EYS: variants seen among roughly 807,000 people sequenced by gnomAD.
EYS encodes the protein EGF-like photoreceptor maintenance factor, also known as protein eyes shut homolog.
A neutral mutation model predicts 282.1 loss-of-function variants in EYS; 250 were observed. The ratio of observed to expected loss-of-function variants is 0.89; its 90% CI spans 0.80 to 0.98. The LOEUF (loss-of-function observed/expected upper bound fraction) is 0.98, where lower values mean the gene tolerates loss of function less well. Among genes scored for constraint, EYS ranks in the 50% least tolerant of loss-of-function variants. EYS has a pLI of 0.00. For synonymous variants in EYS, 1,355 were observed against 1,282.9 expected (o/e 1.06, Z -1.20); for missense variants, 4,016 against 3,709.0 (o/e 1.08, Z -2.15).
chr6:65,336,420 G>A (rs1769991472), intron 10 of EYS, among the ~76,000 whole-genome samples: 1 of 151,484 alleles, frequency 6.6e-6, no homozygotes, highest in African/African-American at 2.4e-5. Context: ...CTCAAATTGT[G>A]ACAGAAATAT....
chr6:65,462,712 CAT>C (rs1220480041), intron 5 of EYS, among the ~76,000 whole-genome samples: 4 of 151,872 alleles, frequency 2.6e-5, no homozygotes, highest in African/African-American at 4.8e-5. Context: ...TCTATAATTT[CAT>C]AGTCATTAAA....
At chr6:65,027,981 C>A (rs988472714) in intron 13 of EYS, among the ~76,000 whole-genome samples, 1 of 151,908 alleles carries the variant, frequency 6.6e-6, no homozygotes, top group South Asian at 2.1e-4. Context: ...ATTATTATGC[C>A]GGATTTCTTT....
intron 22 of EYS, among the ~76,000 whole-genome samples, chr6:64,801,193 A>G (rs920207407): frequency 6.6e-6 from 1 of 152,154 alleles, no homozygotes; most frequent in African/African-American, 2.4e-5. Context: ...AAGACTGAAA[A>G]GTAGCACATG....
At chr6:65,008,907 G>T (rs1041610759) in intron 13 of EYS, among the ~76,000 whole-genome samples, 1 of 152,092 alleles carries the variant, frequency 6.6e-6, no homozygotes, top group Non-Finnish European at 1.5e-5. Flanking sequence ...ATCCGAGGGG[G>T]TCCTAGGACA....
chr6:64,365,922 G>A (rs1772166532), intron 29 of EYS, among the ~76,000 whole-genome samples: 2 of 152,020 alleles, frequency 1.3e-5, no homozygotes, highest in African/African-American at 4.8e-5. Context: ...ATCTGCAGAA[G>A]CACTAACTAG....
intron 12 of EYS, among the ~76,000 whole-genome samples, chr6:65,150,317 G>A (rs1764582117): frequency 6.6e-6 from 1 of 151,000 alleles, no homozygotes; most frequent in South Asian, 2.1e-4. Flanking sequence ...AGATTTTCTG[G>A]TTAATTTAGG....
At chr6:65,173,191 T>C (rs541653316) in intron 12 of EYS, among the ~76,000 whole-genome samples, 11 of 151,428 alleles carry the variant, frequency 7.3e-5, no homozygotes, top group African/African-American at 2.7e-4. Context: ...GTGATAGCCT[T>C]ACATTTGTTA....
intron 22 of EYS, among the ~76,000 whole-genome samples, chr6:64,695,360 C>T (rs1172030088): frequency 1.3e-5 from 2 of 152,018 alleles, no homozygotes; most frequent in Non-Finnish European, 2.9e-5. Context: ...ATAACATTTG[C>T]AAAGGAGACA....
At chr6:64,505,574 A>G (rs1450134245) in intron 26 of EYS, among the ~76,000 whole-genome samples, 2 of 152,168 alleles carry the variant, frequency 1.3e-5, no homozygotes, top group African/African-American at 4.8e-5. Flanking sequence ...CGGCAATGGC[A>G]AAATGCATTC....
At chr6:64,496,825 T>C (rs939263541) in intron 26 of EYS, among the ~76,000 whole-genome samples, 4 of 152,088 alleles carry the variant, frequency 2.6e-5, no homozygotes, top group African/African-American at 9.7e-5. Context: ...AAATTTTTAG[T>C]TTCAAAAGCA....
chr6:64,235,758 C>T (rs753824427), intron 30 of EYS, among the ~76,000 whole-genome samples: 35 of 152,100 alleles, frequency 2.3e-4, no homozygotes, highest in South Asian at 6.2e-4. Context: ...CCTGTTGTTT[C>T]CTGACTTTTT....
chr6:63,897,230 CA>C (rs1773557542), intron 35 of EYS, among the ~76,000 whole-genome samples: 2 of 152,152 alleles, frequency 1.3e-5, no homozygotes, highest in African/African-American at 4.8e-5. Context: ...TTATCCAAAA[CA>C]TGTATTGAGG....
At chr6:64,418,928 C>T (rs533561687) in intron 28 of EYS, among the ~76,000 whole-genome samples, 6 of 152,250 alleles carry the variant, frequency 3.9e-5, no homozygotes, top group East Asian at 3.9e-4. Context: ...GCTTTGTGAA[C>T]GGTGGTTAAT....
intron 22 of EYS, among the ~76,000 whole-genome samples, chr6:64,703,122 A>T (rs1270790443): frequency 6.6e-6 from 1 of 151,964 alleles, no homozygotes; most frequent in Non-Finnish European, 1.5e-5. Flanking sequence ...TTGGCAGAAG[A>T]AAAAAGACAA....
At chr6:64,651,281 A>G (rs1008066642) in intron 22 of EYS, among the ~76,000 whole-genome samples, 26 of 152,232 alleles carry the variant, frequency 1.7e-4, no homozygotes, top group African/African-American at 6.0e-4. Flanking sequence ...ATTTTAAGAA[A>G]TATTATAGTC....
At chr6:64,997,477 A>T in intron 14 of EYS, 105 bp downstream of exon 14, 1 of 1,047,662 alleles carries the variant, frequency 9.5e-7, no homozygotes, top group Non-Finnish European at 1.4e-6. Context: ...CATATGTAAT[A>T]TATATACTAA....
chr6:65,172,265 C>G (rs1260417397), intron 12 of EYS, among the ~76,000 whole-genome samples: 3 of 151,386 alleles, frequency 2.0e-5, no homozygotes, highest in African/African-American at 7.3e-5. Flanking sequence ...CTTTGTCTAG[C>G]CTTAGCCTTT....
chr6:65,204,171 G>T (rs1437043256), intron 12 of EYS, among the ~76,000 whole-genome samples: 2 of 151,976 alleles, frequency 1.3e-5, no homozygotes, highest in African/African-American at 4.8e-5. Flanking sequence ...CCCCAATCTT[G>T]CTAGAGATGT....
At chr6:65,061,288 A>C (rs1773567170) in intron 12 of EYS, among the ~76,000 whole-genome samples, 1 of 152,018 alleles carries the variant, frequency 6.6e-6, no homozygotes, top group Admixed American at 6.6e-5. Flanking sequence ...TAGTTTGAAC[A>C]CATTCAATAA....
Sources: gnomAD v4.1 joint callset for allele counts (sites outside exome capture counted in the v4.1 genomes callset) on GRCh38, gnomAD v4.1.1 for gene constraint, MANE v1.5 for transcripts, NCBI Gene and HGNC (gene_info 2026-07-23, HGNC 2026-07-21) for gene names.